DYNC2H1: variants seen among roughly 807,000 people sequenced by gnomAD.
The protein encoded by DYNC2H1 is cytoplasmic dynein 2 heavy chain 1.
A neutral mutation model predicts 570.0 loss-of-function variants in DYNC2H1; 410 were observed. The observed-to-expected ratio is 0.72, with a 90% CI of 0.66 to 0.78. DYNC2H1 has a LOEUF of 0.78. DYNC2H1 is among the 30% of genes least tolerant of loss of function. The pLI is 0.00. For synonymous variants in DYNC2H1, 1,688 were observed against 1,677.6 expected (o/e 1.01, Z -0.15); for missense variants, 4,865 against 5,046.4 (o/e 0.96, Z 1.09).
chr11:103,179,517 C>A (rs1284426015), intron 39 of DYNC2H1, among the ~76,000 whole-genome samples: 1 of 151,658 alleles, frequency 6.6e-6, no homozygotes, highest in Non-Finnish European at 1.5e-5. Context: ...AATATTGTGA[C>A]TGATTTCAGA....
At chr11:103,119,147 T>A (rs1427315661) in intron 6 of DYNC2H1, among the ~76,000 whole-genome samples, 1 of 152,204 alleles carries the variant, frequency 6.6e-6, no homozygotes, top group Non-Finnish European at 1.5e-5. Flanking sequence ...TAGATTAGTG[T>A]CATAGTAAGT....
At chr11:103,221,495 T>C (rs1206198838) in intron 57 of DYNC2H1, among the ~76,000 whole-genome samples, 1 of 152,240 alleles carries the variant, frequency 6.6e-6, no homozygotes, top group Non-Finnish European at 1.5e-5. Flanking sequence ...ATTGTGATTC[T>C]TTCATATCAT....
intron 76 of DYNC2H1, 122 bp from the exon 77 acceptor site, chr11:103,304,473 A>C (rs1309220574): frequency 1.6e-5 from 18 of 1,101,568 alleles, no homozygotes; most frequent in Non-Finnish European, 1.2e-6. Context: ...TTCTTCTTCC[A>C]AATTTATTAT....
At position 103,201,273 on chromosome 11, in the gene DYNC2H1, A is replaced by T. The variant is rs1168419430; in HGVS notation, c.8197+1119A>T. 6.6e-6 allele frequency among the ~76,000 whole-genome samples: 1 copy of T among 152,190 alleles called. No individual in the cohort carries two copies. Among genetic ancestry groups the T allele is most frequent in the African/African-American group, 2.4e-5 (1 of 41,450 alleles). On this transcript the variant is annotated intron_variant, in intron 50 of 88. Transcript: ENST00000375735. This position sits in a 1 kb window ranked among gnomAD's most constrained non-coding sequence, Gnocchi z 4.8. ...AATACTCTCTAGAAATTTATGGCTAAGTGGGCTCTCTATGTATCTGGAATT... is the reference window on the plus strand; with the variant it reads ...AATACTCTCTAGAAATTTATGGCTATGTGGGCTCTCTATGTATCTGGAATT...
At chr11:103,368,942 C>T (rs1941030095) in intron 83 of DYNC2H1, among the ~76,000 whole-genome samples, 2 of 152,256 alleles carry the variant, frequency 1.3e-5, no homozygotes, top group African/African-American at 4.8e-5. Flanking sequence ...ACCCTCCCCT[C>T]TACCAACCCT....
Position 103,275,347 on chromosome 11 carries a change from AT to A in DYNC2H1, c.10696-5000del, listed in dbSNP as rs1270653623. Among the ~76,000 whole-genome samples, 1 of 152,208 alleles carries A rather than the reference AT, an allele frequency of 6.6e-6. No individual in the cohort carries two copies. Among genetic ancestry groups the A allele is most frequent in the Admixed American group, 6.5e-5 (1 of 15,284 alleles). On this transcript the variant is annotated intron_variant, in intron 70 of 88. Coordinates refer to ENST00000375735, the MANE Select transcript of DYNC2H1 (RefSeq NM_001377.3). The surrounding 1 kb of genome is among the most constrained non-coding windows in gnomAD (Gnocchi z 4.8). Reference sequence around the variant, plus strand: ...AAAACTGTTCAACTTACATTGACACATCCTAATCACCTGAAGTTCATAGTTT... The same window carrying A: ...AAAACTGTTCAACTTACATTGACACACCTAATCACCTGAAGTTCATAGTTT...
Position 103,158,898 on chromosome 11 carries a change from T to A in DYNC2H1, c.4261-12T>A. ...AAAAAAGAAAGCTATTTTTTGTTTC[T>A]ATTTTTATTAGGAAAAACGCTCAGC... On this transcript the variant is annotated splice_polypyrimidine_tract_variant and intron_variant, in intron 27 of 88. Coordinates refer to ENST00000375735, the MANE Select transcript of DYNC2H1 (RefSeq NM_001377.3). 1 of 1,590,398 alleles carries A rather than the reference T, an allele frequency of 6.3e-7. No individual in the cohort carries two copies. The highest frequency in any genetic ancestry group is 8.6e-7 in the Non-Finnish European group (1 of 1,169,528).
intron 82 of DYNC2H1, among the ~76,000 whole-genome samples, chr11:103,347,248 A>G (rs954420712): frequency 6.6e-6 from 1 of 152,174 alleles, no homozygotes; most frequent in Non-Finnish European, 1.5e-5. Context: ...GGGCTTCTCT[A>G]TATTAATAAG....
rs35814518 is a variant in DYNC2H1 at position 103,252,100 on chromosome 11, AT to A, written c.10043-1170del. ...CCATCATGCCCAGCTAATTAAAAAC[AT>A]TTTTTTTTTTTTTTGCAAAGACGAG... On this transcript the variant is annotated intron_variant, in intron 65 of 88. Coordinates refer to ENST00000375735, the MANE Select transcript of DYNC2H1 (RefSeq NM_001377.3). This position sits in a 1 kb window ranked among gnomAD's most constrained non-coding sequence, Gnocchi z 4.6. Among the ~76,000 whole-genome samples the A allele has an allele frequency of 0.28, 40,148 of 142,148 alleles. 5,282 individuals carry two copies. Among genetic ancestry groups the A allele is most frequent in the South Asian group, 0.35 (1,535 of 4,440 alleles). The allele number at this position is 142,148 out of a possible 152,430, so 93.3% of individuals were successfully genotyped here. A position where few individuals can be genotyped will look rare whatever the true frequency, so the allele number is the denominator to read the frequency against.
intron 66 of DYNC2H1, 80 bp from the exon 67 acceptor site, chr11:103,255,335 C>T (rs924854238): frequency 2.1e-6 from 3 of 1,454,038 alleles, no homozygotes; most frequent in African/African-American, 2.9e-5. Flanking sequence ...GTCTGTCAAA[C>T]ACAAGGCCTG....
intron 75 of DYNC2H1, among the ~76,000 whole-genome samples, chr11:103,288,740 G>A (rs1200892827): frequency 6.9e-6 from 1 of 145,734 alleles, no homozygotes; most frequent in Non-Finnish European, 1.5e-5. Context: ...GATTAGCCAG[G>A]CATGGTGGCG....
intron 87 of DYNC2H1, among the ~76,000 whole-genome samples, chr11:103,466,790 A>G (rs1945206892): frequency 6.6e-6 from 1 of 152,200 alleles, no homozygotes. Flanking sequence ...CATAATGTAA[A>G]TTCTTATATA....
At chr11:103,126,987 T>G (rs1859036271) in intron 12 of DYNC2H1, among the ~76,000 whole-genome samples, 1 of 152,206 alleles carries the variant, frequency 6.6e-6, no homozygotes, top group South Asian at 2.1e-4. Flanking sequence ...ATTTAATGTA[T>G]TATAAGTACT....
At chr11:103,109,799 C>G (rs1323291119) in intron 1 of DYNC2H1, 30 bp downstream of exon 1, 7 of 1,593,124 alleles carry the variant, frequency 4.4e-6, no homozygotes, top group Non-Finnish European at 4.3e-6. Flanking sequence ...TGCCTGACCC[C>G]TGACCACTCT....
chr11:103,213,595 T>C (rs1565400947), intron 54 of DYNC2H1, among the ~76,000 whole-genome samples: 1 of 150,146 alleles, frequency 6.7e-6, no homozygotes, highest in Non-Finnish European at 1.5e-5. Flanking sequence ...TTGAACATTT[T>C]TTCATATACC....
intron 18 of DYNC2H1, among the ~76,000 whole-genome samples, chr11:103,143,742 A>G (rs1860091227): frequency 6.6e-6 from 1 of 152,006 alleles, no homozygotes; most frequent in African/African-American, 2.4e-5. Context: ...GTGACATTTC[A>G]CTCTGCTTTT....
rs549140191 is a variant in DYNC2H1, at chr11:103,479,328, A to C, written c.*75A>C. The C allele has an allele frequency of 1.0e-5, 15 of 1,477,204 alleles. 1 individual carries two copies. In the South Asian group the frequency reaches 2.2e-4, roughly 21 times the overall value. 91.5% of individuals were successfully genotyped at this position (1,477,204 alleles called of 1,614,324 possible). A position where few individuals can be genotyped will look rare whatever the true frequency, so the allele number is the denominator to read the frequency against. ...TAAGCTTTAAATCAAACATGTGGTCAGTCTACATTTGAAATGTTAGTTCAA... is the reference window on the plus strand; with the variant it reads ...TAAGCTTTAAATCAAACATGTGGTCCGTCTACATTTGAAATGTTAGTTCAA... On this transcript the variant is annotated 3_prime_UTR_variant, in exon 89 of 89. Coordinates refer to ENST00000375735, the MANE Select transcript of DYNC2H1 (RefSeq NM_001377.3).
chr11:103,455,172 T>A lies in DYNC2H1; in HGVS notation c.12457-14T>A, dbSNP rs774476343. 2.4e-5 allele frequency: 39 copies of A among 1,595,784 alleles called. 1 individual carries two copies. The highest frequency in any genetic ancestry group is 3.4e-6 in the Non-Finnish European group (4 of 1,164,500). ...TGTGTGTGTATTTATATGTTCATAT[T>A]TCCCCCCCTCTAGAACTGGGTAGAT... On this transcript the variant is annotated splice_polypyrimidine_tract_variant and intron_variant, in intron 85 of 88. Coordinates refer to ENST00000375735, the MANE Select transcript of DYNC2H1 (RefSeq NM_001377.3).
Position 103,470,696 on chromosome 11 carries a change from G to C in DYNC2H1, c.12765+1991G>C, listed in dbSNP as rs553635703. On this transcript the variant is annotated intron_variant, in intron 88 of 88. Transcript: ENST00000375735. ...TTTTATGTCCTTGCGATAGTTTGCT[G>C]AGAATGATGGTTTCCAGCTTCATCC... Among the ~76,000 whole-genome samples, 335 of 152,276 alleles carry C rather than the reference G, an allele frequency of 2.2e-3. 1 individual carries two copies. Among genetic ancestry groups the C allele is most frequent in the South Asian group, 5.6e-3 (27 of 4,824 alleles).
Sources: allele counts gnomAD v4.1 joint callset (sites outside exome capture counted in the v4.1 genomes callset), GRCh38; gene constraint gnomAD v4.1.1; non-coding constraint Gnocchi (gnomAD v3.1); transcripts MANE v1.5; gene names NCBI Gene and HGNC (gene_info 2026-07-23, HGNC 2026-07-21).